GSTA5: variants seen among roughly 807,000 people sequenced by gnomAD.
The protein encoded by GSTA5 is glutathione S-transferase A5.
GSTA5 carries 25 observed loss-of-function variants against 21.8 expected under a neutral mutation model. The observed-to-expected ratio is 1.14, with a 90% confidence interval of 0.83 to 1.60. The LOEUF (loss-of-function observed/expected upper bound fraction) is 1.60. GSTA5 is among the 40% of genes most tolerant of loss of function. The pLI, the probability that GSTA5 is intolerant of heterozygous loss-of-function variation, is 0.00. For missense variants in GSTA5, 330 were observed against 259.2 expected (o/e 1.27, Z -1.88); for synonymous variants, 102 against 89.5 (o/e 1.14, Z -0.78).
At position 52,834,419 on chromosome 6, in the gene GSTA5, T is replaced by C; in HGVS notation, c.273-137A>G. On this transcript the variant is annotated intron_variant, in intron 3 of 5. Coordinates refer to ENST00000370989, the Ensembl canonical transcript of GSTA5. ...GTTAGTGCCTTTTATACGCTAGTCA[T>C]TATGCTCTGAGTTTTACAGGTATAT... 3 of 737,976 alleles carry C rather than the reference T, an allele frequency of 4.1e-6. No individual in the cohort carries two copies. In the South Asian group the frequency reaches 5.6e-5, roughly 14 times the overall value. 45.7% of individuals were successfully genotyped at this position (737,976 alleles called of 1,614,324 possible).
chr6:52,831,997 A>C (rs759607098), intron 5 of GSTA5, 27 bp from the exon 6 acceptor site: 28 of 1,596,450 alleles, frequency 1.8e-5, no homozygotes, highest in Non-Finnish European at 2.4e-5. Flanking sequence ...ACAGCCTCAG[A>C]GTGAAGCCAA....
chr6:52,839,611 A>G (rs1764344194), intron 1 of GSTA5, among the ~76,000 whole-genome samples: 1 of 152,162 alleles, frequency 6.6e-6, no homozygotes, highest in Non-Finnish European at 1.5e-5. Flanking sequence ...ACAGGACGCC[A>G]CCTCACCTGA....
chr6:52,836,113 C>T lies in GSTA5; in HGVS notation c.272+123G>A, dbSNP rs140184871. ...GGGACTCTGCAATACTGGACCTCAG[C>T]GTGCATCCTCAAGACCCAGCCTGCT... On this transcript the variant is annotated intron_variant, in intron 3 of 5. Coordinates refer to ENST00000370989, the Ensembl canonical transcript of GSTA5. The T allele has an allele frequency of 4.1e-4, 416 of 1,023,426 alleles. 1 individual carries two copies. In the Middle Eastern group the frequency reaches 5.6e-3, roughly 14 times the overall value. 63.4% of individuals were successfully genotyped at this position (1,023,426 alleles called of 1,614,324 possible).
upstream of GSTA5, among the ~76,000 whole-genome samples, chr6:52,841,129 A>G (rs1483160417): frequency 6.6e-6 from 1 of 152,216 alleles, no homozygotes; most frequent in East Asian, 1.9e-4. Context: ...GAATTCAAGA[A>G]CTAATATTTA....
chr6:52,845,654 A>G (rs928519661), upstream of GSTA5, among the ~76,000 whole-genome samples: 1 of 152,188 alleles, frequency 6.6e-6, no homozygotes, highest in African/African-American at 2.4e-5. Context: ...TTGAATTTTC[A>G]CAGCCAATAT....
chr6:52,836,510 T>G, intron 2 of GSTA5, 142 bp from the exon 3 acceptor site: 1 of 831,808 alleles, frequency 1.2e-6, no homozygotes, highest in Non-Finnish European at 1.8e-6. Context: ...GAAACAACTT[T>G]TTTCCTTGTT....
At chr6:52,843,906 A>G (rs905317130), upstream of GSTA5, among the ~76,000 whole-genome samples, 5 of 152,198 alleles carry the variant, frequency 3.3e-5, no homozygotes, top group Admixed American at 3.3e-4. Context: ...CCTGCTGATA[A>G]CTAACATATC....
intron 5 of GSTA5, 64 bp downstream of exon 5, chr6:52,832,795 C>T: frequency 5.0e-6 from 8 of 1,609,356 alleles, no homozygotes; most frequent in Non-Finnish European, 6.8e-6. Context: ...AGTCCCGGGG[C>T]CCAGATATGA....
chr6:52,838,314 ACT>A (rs1764320860), intron 1 of GSTA5, among the ~76,000 whole-genome samples: 1 of 151,822 alleles, frequency 6.6e-6, no homozygotes, highest in South Asian at 2.1e-4. Context: ...TGTTACCGAA[ACT>A]CTCTGTGTCT....
At chr6:52,832,962 A>G (rs773659683) in exon 5 of GSTA5, 4 of 1,614,126 alleles carry the variant, frequency 2.5e-6, no homozygotes, top group Non-Finnish European at 3.4e-6. Context: ...GTTGCCAACA[A>G]GGTAGTCTTG....
Position 52,831,832 on chromosome 6 carries a change from C to T in GSTA5, c.*16G>A, listed in dbSNP as rs1764218918. On this transcript the variant is annotated 3_prime_UTR_variant, in exon 6 of 6. Coordinates refer to ENST00000370989, the Ensembl canonical transcript of GSTA5. ...AATATTGGTCTGGCATGTTCTTGGC[C>T]TCCATAGCTGCTTTATTAAAACCTG... 6.2e-7 allele frequency: 1 copy of T among 1,613,782 alleles called. No homozygotes were observed. The highest frequency in any genetic ancestry group is 1.3e-5 in the African/African-American group (1 of 75,032).
intron 1 of GSTA5, among the ~76,000 whole-genome samples, chr6:52,838,306 T>C (rs1764320744): frequency 6.6e-6 from 1 of 152,252 alleles, no homozygotes; most frequent in African/African-American, 2.4e-5. Context: ...TTTGGACATG[T>C]TACCGAAACT....
At position 52,837,713 on chromosome 6, in the gene GSTA5, T is replaced by C. The variant is rs913820172; in HGVS notation, c.88-104A>G. On this transcript the variant is annotated intron_variant, in intron 1 of 5. Coordinates refer to ENST00000370989, the Ensembl canonical transcript of GSTA5. ...TGCATGATTTGGAGAATATAAGATT[T>C]CTGAGTTTCGCAGGATATACAGAGG... 10 of 843,400 alleles carry C rather than the reference T, an allele frequency of 1.2e-5. No homozygotes were observed. In the African/African-American group the frequency reaches 1.4e-4, roughly 11 times the overall value. The allele number at this position is 843,400 out of a possible 1,614,324, so 52.2% of individuals were successfully genotyped here. A position where few individuals can be genotyped will look rare whatever the true frequency, so the allele number is the denominator to read the frequency against.
intron 1 of GSTA5, among the ~76,000 whole-genome samples, chr6:52,838,910 A>C (rs1313844283): frequency 6.6e-6 from 1 of 152,238 alleles, no homozygotes; most frequent in African/African-American, 2.4e-5. Context: ...CCTGACCCAC[A>C]TACATCAAGT....
At chr6:52,837,029 G>T (rs578222805) in intron 2 of GSTA5, among the ~76,000 whole-genome samples, 74 of 152,206 alleles carry the variant, frequency 4.9e-4, no homozygotes, top group Non-Finnish European at 8.7e-4. Flanking sequence ...AAAATGGGAA[G>T]TTCTCAGGGT....
rs1458793100 is a variant in GSTA5, at chr6:52,838,324, T to C, written c.88-715A>G. Reference sequence around the variant, plus strand: ...GGACATGTTACCGAAACTCTCTGTGTCTGAGTATGCTAATCTATGAAATGG... The same window carrying C: ...GGACATGTTACCGAAACTCTCTGTGCCTGAGTATGCTAATCTATGAAATGG... On this transcript the variant is annotated intron_variant, in intron 1 of 5. Coordinates refer to ENST00000370989, the Ensembl canonical transcript of GSTA5. 3.4e-4 allele frequency among the ~76,000 whole-genome samples: 52 copies of C among 152,266 alleles called. 1 individual carries two copies. The highest frequency in any genetic ancestry group is 3.4e-3 in the Admixed American group (52 of 15,292).
chr6:52,843,167 T>C (rs1333394702), upstream of GSTA5, among the ~76,000 whole-genome samples: 3 of 152,240 alleles, frequency 2.0e-5, no homozygotes, highest in Admixed American at 6.5e-5. Flanking sequence ...GGCATTTGGG[T>C]TGGTTCCAAG....
At chr6:52,840,864 T>A (rs1398743411), upstream of GSTA5, 1 of 1,492,480 alleles carries the variant, frequency 6.7e-7, no homozygotes, top group South Asian at 1.2e-5. Context: ...GAATGAATAA[T>A]TGAAACGATA....
rs570713390 is a variant in GSTA5 at position 52,833,294 on chromosome 6, G to A, written c.415-304C>T. 1.1e-4 allele frequency among the ~76,000 whole-genome samples: 17 copies of A among 152,250 alleles called. No individual in the cohort carries two copies. In the South Asian group the frequency reaches 3.3e-3, roughly 30 times the overall value. ...AAGGACTTAGCACCTGCCTCCATGT[G>A]TTCTGTCTGCCCCAGGCCCTACAGC... On this transcript the variant is annotated intron_variant, in intron 4 of 5. Coordinates refer to ENST00000370989, the Ensembl canonical transcript of GSTA5.
Sources: allele counts gnomAD v4.1 joint callset (sites outside exome capture counted in the v4.1 genomes callset), GRCh38; gene constraint gnomAD v4.1.1; transcripts MANE v1.5; gene names NCBI Gene and HGNC (gene_info 2026-07-23, HGNC 2026-07-21).